The following CHRNA2 variants were observed in gnomAD, a reference collection of about 807,000 sequenced individuals.
CHRNA2 encodes the protein cholinergic receptor nicotinic alpha 2 subunit.
A neutral mutation model predicts 45.5 loss-of-function variants in CHRNA2; 40 were observed. The observed-to-expected ratio is 0.88, with a 90% CI of 0.68 to 1.15. The LOEUF is 1.15. CHRNA2 is among the 50% of genes most tolerant of loss of function. The pLI is 0.00. For synonymous variants in CHRNA2, 301 were observed against 296.7 expected, an observed-to-expected ratio of 1.01 and a Z score of -0.15; for missense variants, 655 against 701.7, an observed-to-expected ratio of 0.93 and a Z score of 0.75.
intron 1 of CHRNA2, among the ~76,000 whole-genome samples, chr8:27,474,918 A>G (rs1257463381): frequency 6.6e-6 from 1 of 152,214 alleles, no homozygotes; most frequent in Non-Finnish European, 1.5e-5. Flanking sequence ...GGACTTCCCC[A>G]AAGCAGACCA....
chr8:27,478,081 T>C (rs1300756399), intron 1 of CHRNA2, among the ~76,000 whole-genome samples: 1 of 152,162 alleles, frequency 6.6e-6, no homozygotes, highest in Non-Finnish European at 1.5e-5. Context: ...TAACATTTCC[T>C]TCTCCCAAAA....
rs890772809 is a variant in CHRNA2, at chr8:27,470,599, C to T, written c.73+387G>A. Among the ~76,000 whole-genome samples, 4 of 152,248 alleles carry T rather than the reference C, an allele frequency of 2.6e-5. No individual in the cohort carries two copies. The East Asian group carries it at 5.8e-4, about 22-fold the overall frequency. ...TCAGGGCTCTGCTGTCCGAGCGAGT[C>T]GAGAACTACAGCTCCAAATCCCAGA... On this transcript the variant is annotated intron_variant, in intron 2 of 6. Coordinates refer to ENST00000407991, the MANE Select transcript of CHRNA2 (RefSeq NM_000742.4).
chr8:27,472,230 A>G (rs1435311532), intron 1 of CHRNA2, among the ~76,000 whole-genome samples: 1 of 152,224 alleles, frequency 6.6e-6, no homozygotes, highest in Non-Finnish European at 1.5e-5. Flanking sequence ...GAGCCACTCT[A>G]GCAAGTTAGT....
At chr8:27,467,578 C>A in intron 4 of CHRNA2, 1 of 514,162 alleles carries the variant, frequency 1.9e-6, no homozygotes, top group South Asian at 2.2e-5. Flanking sequence ...ATGAAGTTCA[C>A]CCTTGTCCTG....
intron 4 of CHRNA2, among the ~76,000 whole-genome samples, chr8:27,468,438 T>C (rs560788374): frequency 1.9e-4 from 29 of 152,256 alleles, no homozygotes; most frequent in Middle Eastern, 3.2e-3. Flanking sequence ...AAGCGGGATC[T>C]GTGCGCCCTT....
chr8:27,462,313 C>A (rs1812518256), intron 6 of CHRNA2, among the ~76,000 whole-genome samples: 1 of 152,200 alleles, frequency 6.6e-6, no homozygotes, highest in African/African-American at 2.4e-5. Flanking sequence ...CTTGTCTGTT[C>A]ATCAAGGCCA....
rs1187825022 is a variant in CHRNA2, at chr8:27,460,157, G to C, written c.*1472C>G. 6.6e-6 allele frequency: 1 copy of C among 152,264 alleles called. No homozygotes were observed. Among genetic ancestry groups the C allele is most frequent in the African/African-American group, 2.4e-5 (1 of 41,450 alleles). The allele number at this position is 152,264 out of a possible 1,614,324, so 9.4% of individuals were successfully genotyped here. A position where few individuals can be genotyped will look rare whatever the true frequency, so the allele number is the denominator to read the frequency against. On this transcript the variant is annotated 3_prime_UTR_variant, in exon 7 of 7. Transcript: ENST00000407991. Reference sequence around the variant, plus strand: ...TCGGCTTCCTGCCTGGAGCCTCCATGCTGTCCCGAGAACCCGATGCCCACA... The same window carrying C: ...TCGGCTTCCTGCCTGGAGCCTCCATCCTGTCCCGAGAACCCGATGCCCACA...
chr8:27,469,786 A>C lies in CHRNA2; in HGVS notation c.269T>G (p.Leu90Arg), dbSNP rs755757952. The change falls in exon 3 of 7, where the codon CTG becomes CGG. Residue 90 changes from leucine to arginine, a missense_variant. Transcript: ENST00000407991. Reference protein sequence around the residue: ...TSDVVIVRFGLSIAQLIDVDE... With the variant: ...TSDVVIVRFGRSIAQLIDVDE... ...CACATCGATGAGCTGAGCGATGGAC[A>C]GTCCAAAGCGCACAATCACCACGTC... The C allele has an allele frequency of 6.2e-7, 1 of 1,614,178 alleles. No individual in the cohort carries two copies. The highest frequency in any genetic ancestry group is 8.5e-7 in the Non-Finnish European group (1 of 1,180,032).
intron 1 of CHRNA2, among the ~76,000 whole-genome samples, chr8:27,473,918 G>A (rs1812979517): frequency 6.6e-6 from 1 of 152,192 alleles, no homozygotes; most frequent in South Asian, 2.1e-4. Context: ...GGAGATGAGA[G>A]CAGGGCTGGC....
intron 5 of CHRNA2, among the ~76,000 whole-genome samples, chr8:27,465,575 G>A (rs1418267295): frequency 6.6e-6 from 1 of 151,910 alleles, no homozygotes; most frequent in Non-Finnish European, 1.5e-5. Context: ...GGGACTACAG[G>A]TGCCACCACC....
chr8:27,463,023 G>A lies in CHRNA2; in HGVS notation c.1420C>T (p.His474Tyr). The A allele has an allele frequency of 6.2e-7, 1 of 1,614,116 alleles. No homozygotes were observed. ...GACCGCAGGTGGTCGGCAATGTAGTGCACACCTTCCAGTGCCTTCTGCATG... is the reference window on the plus strand; with the variant it reads ...GACCGCAGGTGGTCGGCAATGTAGTACACACCTTCCAGTGCCTTCTGCATG... Reference protein sequence around the residue: ...PHMQKALEGVHYIADHLRSED... With the variant: ...PHMQKALEGVYYIADHLRSED... The change falls in exon 6 of 7, where the codon CAC becomes TAC. Residue 474 changes from histidine (H) to tyrosine (Y), a missense_variant. By Grantham distance (83) the His-to-Tyr change is moderately conservative (BLOSUM62 2). This residue lies in a region of CHRNA2 where 295 missense variants were observed against 280.4 expected (regional missense o/e 1.05). Coordinates refer to ENST00000407991, the MANE Select transcript of CHRNA2 (RefSeq NM_000742.4). This position sits in a 1 kb window ranked among gnomAD's most constrained non-coding sequence, Gnocchi z 6.1.
At chr8:27,475,160 C>T (rs1183899259) in intron 1 of CHRNA2, 1 of 152,194 alleles carries the variant, frequency 6.6e-6, no homozygotes, top group Non-Finnish European at 1.5e-5. Context: ...GGCAGCAATA[C>T]CTGTGATGTG....
At chr8:27,470,037 A>G in intron 2 of CHRNA2, 56 bp from the exon 3 acceptor site, 1 of 1,478,106 alleles carries the variant, frequency 6.8e-7, no homozygotes, top group Non-Finnish European at 9.3e-7. Flanking sequence ...CTCATCTGTA[A>G]AATGGAGATG....
chr8:27,471,139 G>T lies in CHRNA2; in HGVS notation c.-81C>A. Reference sequence around the variant, plus strand: ...GGACCATGTCCCCAGCAGAGCTGCTGCTGGATTCTGTGAGGATTCTGCTGG... The same window carrying T: ...GGACCATGTCCCCAGCAGAGCTGCTTCTGGATTCTGTGAGGATTCTGCTGG... On this transcript the variant is annotated 5_prime_UTR_variant, in exon 2 of 7. Coordinates refer to ENST00000407991, the MANE Select transcript of CHRNA2 (RefSeq NM_000742.4). The T allele has an allele frequency of 1.5e-6, 2 of 1,334,024 alleles. No homozygotes were observed. Among genetic ancestry groups the T allele is most frequent in the African/African-American group, 1.4e-5 (1 of 69,466 alleles). The allele number at this position is 1,334,024 out of a possible 1,614,324, so 82.6% of individuals were successfully genotyped here.
chr8:27,462,952 C>T, intron 6 of CHRNA2, 27 bp downstream of exon 6: 1 of 1,613,812 alleles, frequency 6.2e-7, no homozygotes, highest in Non-Finnish European at 8.5e-7. Context: ...GCCACCCAGG[C>T]TGGCGCCTCT....
At chr8:27,468,572 G>A (rs1391639533) in intron 4 of CHRNA2, among the ~76,000 whole-genome samples, 1 of 152,162 alleles carries the variant, frequency 6.6e-6, no homozygotes, top group Admixed American at 6.5e-5. Flanking sequence ...GAACCACCAG[G>A]CAGGATGTCT....
chr8:27,465,109 A>C (rs949293754), intron 5 of CHRNA2, among the ~76,000 whole-genome samples: 1 of 152,194 alleles, frequency 6.6e-6, no homozygotes, highest in African/African-American at 2.4e-5. Context: ...AGAGAGTGTG[A>C]ATCAGGGGTA....
chr8:27,462,209 G>T (rs531769872), intron 6 of CHRNA2, among the ~76,000 whole-genome samples: 2 of 152,230 alleles, frequency 1.3e-5, no homozygotes, highest in Non-Finnish European at 2.9e-5. Flanking sequence ...GGCAGGCTGG[G>T]GGTGGGGCGG....
chr8:27,473,376 G>A (rs1053301169), intron 1 of CHRNA2, among the ~76,000 whole-genome samples: 12 of 152,266 alleles, frequency 7.9e-5, no homozygotes, highest in African/African-American at 2.9e-4. Context: ...AACTTTTCAA[G>A]AAAGAATAAG....
Sources: allele counts gnomAD v4.1 joint callset (sites outside exome capture counted in the v4.1 genomes callset), GRCh38; gene constraint gnomAD v4.1.1; regional missense constraint gnomAD v4.1.1; non-coding constraint Gnocchi (gnomAD v3.1); transcripts MANE v1.5; gene names NCBI Gene and HGNC (gene_info 2026-07-23, HGNC 2026-07-21).